The following FBXO11 variants were observed in gnomAD, a reference collection of about 807,000 sequenced individuals.
FBXO11 encodes F-box protein 11.
FBXO11 carries 13 observed loss-of-function variants against 117.0 expected under a neutral mutation model. The observed-to-expected ratio is 0.11, with a 90% confidence interval of 0.07 to 0.18. FBXO11 has a LOEUF of 0.18. FBXO11 is among the 10% of genes least tolerant of loss of function. The probability of loss-of-function intolerance (pLI) is 1.00; values close to 1 mark genes in which losing one functional copy is unlikely to be tolerated. For missense variants in FBXO11, 767 were observed against 1,164.4 expected, an observed-to-expected ratio of 0.66 and a Z score of 4.97; for synonymous variants, 490 against 380.5, an observed-to-expected ratio of 1.29 and a Z score of -3.35.
At chr2:47,895,990 C>T (rs111580097) in intron 1 of FBXO11, among the ~76,000 whole-genome samples, 12,941 of 152,202 alleles carry the variant, frequency 0.085, 638 homozygotes, top group Non-Finnish European at 0.11. Context: ...CCACCATGCC[C>T]AGCCATAACT....
rs769819856 is a variant in FBXO11, at chr2:47,807,020, T to C, written c.*1098A>G. 29 of 655,764 alleles carry C rather than the reference T, an allele frequency of 4.4e-5. No individual in the cohort carries two copies. Among genetic ancestry groups the C allele is most frequent in the Non-Finnish European group, 7.8e-5 (29 of 372,802 alleles). 40.6% of individuals were successfully genotyped at this position (655,764 alleles called of 1,614,324 possible). The stretch of plus-strand genomic sequence containing the variant: ...TTCTTATCTACCTTCTACATAATGG[T>C]TATTGAATACTCCACAATATATTAA... On this transcript the variant is annotated 3_prime_UTR_variant, in exon 23 of 23. Transcript: ENST00000403359.
intron 1 of FBXO11, among the ~76,000 whole-genome samples, chr2:47,850,056 G>A (rs578069898): frequency 2.0e-5 from 3 of 152,326 alleles, no homozygotes; most frequent in African/African-American, 4.8e-5. Context: ...GGGAGCTACA[G>A]CACAATACAA....
chr2:47,883,253 A>C (rs1246258673), intron 1 of FBXO11, among the ~76,000 whole-genome samples: 1 of 152,178 alleles, frequency 6.6e-6, no homozygotes, highest in Non-Finnish European at 1.5e-5. Flanking sequence ...GCAGCTATTT[A>C]CATAGATTCC....
intron 1 of FBXO11, among the ~76,000 whole-genome samples, chr2:47,882,561 C>T (rs1232582401): frequency 6.6e-6 from 1 of 152,096 alleles, no homozygotes; most frequent in African/African-American, 2.4e-5. Flanking sequence ...AAAATAAAAT[C>T]TTTATTTCCA....
At chr2:47,848,150 AC>A (rs1673566968) in intron 1 of FBXO11, among the ~76,000 whole-genome samples, 1 of 150,480 alleles carries the variant, frequency 6.6e-6, no homozygotes, top group African/African-American at 2.4e-5. Context: ...AAACAAAAAA[AC>A]AACCAAACAC....
Position 47,815,792 on chromosome 2 carries a change from C to A in FBXO11, c.2007-1925G>T, listed in dbSNP as rs529932418. 5.9e-5 allele frequency among the ~76,000 whole-genome samples: 9 copies of A among 152,264 alleles called. No individual in the cohort carries two copies. The South Asian group carries it at 1.9e-3, about 32-fold the overall frequency. Reference sequence around the variant, plus strand: ...GAGTTAGAAGTTCTGGAGTCTTCCCCGCATGCCCCAGCTCTTGAGCATCAA... The same window carrying A: ...GAGTTAGAAGTTCTGGAGTCTTCCCAGCATGCCCCAGCTCTTGAGCATCAA... On this transcript the variant is annotated intron_variant, in intron 16 of 22. Coordinates refer to ENST00000403359, the MANE Select transcript of FBXO11 (RefSeq NM_001190274.2).
chr2:47,905,810 TGGGAGAGG>T lies in FBXO11; in HGVS notation c.-98_-91del, dbSNP rs1265411887. 17 of 240,152 alleles carry T rather than the reference TGGGAGAGG, an allele frequency of 7.1e-5. No homozygotes were observed. In the African/African-American group the frequency reaches 1.2e-3, roughly 17 times the overall value. 14.9% of individuals were successfully genotyped at this position (240,152 alleles called of 1,614,324 possible). A position where few individuals can be genotyped will look rare whatever the true frequency, so the allele number is the denominator to read the frequency against. On this transcript the variant is annotated 5_prime_UTR_variant, in exon 1 of 23. Coordinates refer to ENST00000403359, the MANE Select transcript of FBXO11 (RefSeq NM_001190274.2). ...GGGCAGGAGAAAGGGGTGGGGAGAG[TGGGAGAGG>T]GGGGAGGAAGGAGAGGGGGCGAGGG... is the stretch of plus-strand genomic sequence containing the variant.
At chr2:47,831,590 G>A (rs1048517796) in intron 11 of FBXO11, among the ~76,000 whole-genome samples, 5 of 151,572 alleles carry the variant, frequency 3.3e-5, no homozygotes, top group Non-Finnish European at 7.4e-5. Flanking sequence ...CTTGGACTCC[G>A]CAACAAAAAA....
chr2:47,899,463 T>C (rs1001500936), intron 1 of FBXO11, among the ~76,000 whole-genome samples: 1 of 152,176 alleles, frequency 6.6e-6, no homozygotes, highest in Non-Finnish European at 1.5e-5. Flanking sequence ...GGAACTTTAC[T>C]ATCTCTCATC....
At chr2:47,904,284 A>G (rs544424457) in intron 1 of FBXO11, among the ~76,000 whole-genome samples, 1 of 152,310 alleles carries the variant, frequency 6.6e-6, no homozygotes, top group South Asian at 2.1e-4. Context: ...CCTCCTCCTT[A>G]AAACAACAAC....
chr2:47,829,891 A>G (rs1338309433), intron 11 of FBXO11, among the ~76,000 whole-genome samples: 2 of 152,186 alleles, frequency 1.3e-5, no homozygotes, highest in Non-Finnish European at 2.9e-5. Context: ...GTACCTGGAG[A>G]GTCATTACAC....
chr2:47,856,295 C>A (rs1276136829), intron 1 of FBXO11, among the ~76,000 whole-genome samples: 1 of 152,126 alleles, frequency 6.6e-6, no homozygotes, highest in Non-Finnish European at 1.5e-5. Context: ...ATCTTCTCCA[C>A]AATCTTTCTT....
In FBXO11 at chr2:47,897,701, CAAAAAAAAAAA is replaced by C. The variant is rs60982405; in HGVS notation, c.232+7777_232+7787del. Among the ~76,000 whole-genome samples, 9 of 103,118 alleles carry C rather than the reference CAAAAAAAAAAA, an allele frequency of 8.7e-5. No individual in the cohort carries two copies. In the South Asian group the frequency reaches 1.8e-3, roughly 21 times the overall value. 67.6% of individuals were successfully genotyped at this position (103,118 alleles called of 152,430 possible). A position where few individuals can be genotyped will look rare whatever the true frequency, so the allele number is the denominator to read the frequency against. Reference sequence around the variant, plus strand: ...GACAGAGTGAGACTGTGTCTTAAACCAAAAAAAAAAAAAAAAAAAAGGAAAAGAAAAAAGAA... The same window carrying C: ...GACAGAGTGAGACTGTGTCTTAAACCAAAAAAAAAGGAAAAGAAAAAAGAA... On this transcript the variant is annotated intron_variant, in intron 1 of 22. Transcript: ENST00000403359.
chr2:47,821,726 T>G (rs1448878021), intron 13 of FBXO11, among the ~76,000 whole-genome samples: 1 of 151,974 alleles, frequency 6.6e-6, no homozygotes, highest in Non-Finnish European at 1.5e-5. Flanking sequence ...CAGGGGTTGC[T>G]GTGAGGTGAG....
At chr2:47,890,301 G>A (rs899995335) in intron 1 of FBXO11, among the ~76,000 whole-genome samples, 1 of 152,008 alleles carries the variant, frequency 6.6e-6, no homozygotes, top group Non-Finnish European at 1.5e-5. Flanking sequence ...CTGATTATCA[G>A]TCATCCTCAT....
chr2:47,893,739 T>C (rs1461213148), intron 1 of FBXO11, among the ~76,000 whole-genome samples: 2 of 152,212 alleles, frequency 1.3e-5, no homozygotes, highest in African/African-American at 4.8e-5. Flanking sequence ...AGTCATCTTA[T>C]TCAAAAATCC....
intron 1 of FBXO11, among the ~76,000 whole-genome samples, chr2:47,869,394 G>A (rs1443670675): frequency 1.3e-5 from 2 of 152,214 alleles, no homozygotes; most frequent in African/African-American, 4.8e-5. Flanking sequence ...TGGAGTGACT[G>A]ATCTTGACAA....
chr2:47,831,843 TCTC>T (rs1488263952), intron 11 of FBXO11, among the ~76,000 whole-genome samples: 1 of 152,196 alleles, frequency 6.6e-6, no homozygotes, highest in Non-Finnish European at 1.5e-5. Context: ...TATCAATGTA[TCTC>T]CTATTAAAGT....
rs59848527 is a variant in FBXO11 at position 47,875,498 on chromosome 2, CTTTT to C, written c.232+29987_232+29990del. Among the ~76,000 whole-genome samples the C allele has an allele frequency of 5.5e-5, 8 of 145,550 alleles. No individual in the cohort carries two copies. In the South Asian group the frequency reaches 1.7e-3, roughly 32 times the overall value. On this transcript the variant is annotated intron_variant, in intron 1 of 22. Transcript: ENST00000403359. ...GGAGATTCTGTCATTCTTTTTTTGT[CTTTT>C]TTTTTTTTAGCACAGTATAAATAAT... is the stretch of plus-strand genomic sequence containing the variant.
Sources: allele counts gnomAD v4.1 joint callset (sites outside exome capture counted in the v4.1 genomes callset), GRCh38; gene constraint gnomAD v4.1.1; transcripts MANE v1.5; gene names NCBI Gene and HGNC (gene_info 2026-07-23, HGNC 2026-07-21).